The following XPO5 variants were observed in gnomAD, a reference collection of about 807,000 sequenced individuals.
The protein encoded by XPO5 is exportin-5.
XPO5 carries 46 observed loss-of-function variants against 160.6 expected under a neutral mutation model. The ratio of observed to expected loss-of-function variants is 0.29; its 90% CI spans 0.23 to 0.37. XPO5 has a LOEUF of 0.37. XPO5 is among the 10% of genes least tolerant of loss of function. The probability of loss-of-function intolerance (pLI) is 1.00; values close to 1 mark genes in which losing one functional copy is unlikely to be tolerated. For missense variants in XPO5, 1,090 were observed against 1,463.9 expected (o/e 0.74, Z 4.17); for synonymous variants, 537 against 519.3 (o/e 1.03, Z -0.46).
rs1308160371 is a variant in XPO5, at chr6:43,523,900, C to T, written c.3583G>A (p.Gly1195Arg). 4 of 1,613,876 alleles carry T rather than the reference C, an allele frequency of 2.5e-6. No individual in the cohort carries two copies. The highest frequency in any genetic ancestry group is 1.3e-5 in the African/African-American group (1 of 74,924). ...TCAAAGATGGTGGCCAGGCCACCCC[C>T]ATCATTGTCCAGCACCTCCGTCTCC... Reference protein sequence around the residue: ...MLETEVLDNDGGGLATIFEP With the variant: ...MLETEVLDNDRGGLATIFEP Residue 1195 changes from glycine (G) to arginine (R), a missense_variant, in exon 32 of 32, where the codon GGG becomes AGG. Physicochemically the swap from Gly to Arg is moderately radical, Grantham distance 125 (BLOSUM62 -2). This residue lies in a region of XPO5 where 810 missense variants were observed against 1,139.0 expected (regional missense o/e 0.71). Coordinates refer to ENST00000265351, the MANE Select transcript of XPO5 (RefSeq NM_020750.3).
intron 7 of XPO5, 114 bp from the exon 8 acceptor site, chr6:43,565,850 G>A (rs2065360821): frequency 1.3e-6 from 1 of 764,774 alleles, no homozygotes; most frequent in Non-Finnish European, 2.0e-6. Context: ...ATACCCCAGG[G>A]TTTAGTGAAA....
Position 43,530,774 on chromosome 6 carries a change from G to A in XPO5, c.2591C>T (p.Thr864Ile), listed in dbSNP as rs762818115. ...AAGCTGGGTAGCAAGGTCCTCCACA[G>A]TATAGAAGTCTTGCTGCATGGAAGG... ...AGPSMQQDFY[T>I]VEDLATQLLS... Residue 864 changes from threonine to isoleucine, a missense_variant, in exon 23 of 32, where the codon ACT becomes ATT. Thr to Ile is a moderately conservative substitution (Grantham distance 89). Coordinates refer to ENST00000265351, the MANE Select transcript of XPO5 (RefSeq NM_020750.3). The A allele has an allele frequency of 6.2e-7, 1 of 1,613,880 alleles. No individual in the cohort carries two copies. The highest frequency in any genetic ancestry group is 8.5e-7 in the Non-Finnish European group (1 of 1,179,854).
intron 24 of XPO5, 25 bp from the exon 25 acceptor site, chr6:43,528,230 TG>T (rs1296727305): frequency 1.3e-6 from 2 of 1,575,126 alleles, no homozygotes; most frequent in East Asian, 4.6e-5. Flanking sequence ...AGGAAATAAA[TG>T]CTAGAATTGG....
chr6:43,568,962 T>C (rs1762846173), intron 5 of XPO5, among the ~76,000 whole-genome samples: 1 of 152,374 alleles, frequency 6.6e-6, no homozygotes, highest in East Asian at 1.9e-4. Context: ...TGAACATGTA[T>C]GTATAGCCTA....
chr6:43,527,484 G>C, intron 26 of XPO5, 150 bp downstream of exon 26: 1 of 705,618 alleles, frequency 1.4e-6, no homozygotes, highest in East Asian at 2.8e-5. Flanking sequence ...ATGTTGGCCA[G>C]GATGGTCTTG....
In XPO5 at chr6:43,575,958, C is replaced by G; in HGVS notation, c.-94G>C. 5.5e-6 allele frequency: 7 copies of G among 1,282,998 alleles called. No individual in the cohort carries two copies. The highest frequency in any genetic ancestry group is 7.7e-6 in the Non-Finnish European group (7 of 913,752). 79.5% of individuals were successfully genotyped at this position (1,282,998 alleles called of 1,614,324 possible). ...GGCGAGACCACCCGTTGGTACCGGG[C>G]CGCGGCGGGCGGCGGGGGTGGGAAG... On this transcript the variant is annotated 5_prime_UTR_variant, in exon 1 of 32. Coordinates refer to ENST00000265351, the MANE Select transcript of XPO5 (RefSeq NM_020750.3).
intron 20 of XPO5, 136 bp downstream of exon 20, chr6:43,546,435 C>T (rs572314226): frequency 6.5e-5 from 53 of 816,728 alleles, no homozygotes; most frequent in Non-Finnish European, 8.0e-5. Flanking sequence ...ACTGAGACAC[C>T]CTCTAGAAAG....
In XPO5 at chr6:43,527,689, C is replaced by G; in HGVS notation, c.2865G>C (p.Glu955Asp). Residue 955 changes from glutamate to aspartate, a missense_variant, in exon 26 of 32, where the codon GAG (glutamate) becomes GAC (aspartate). Glu to Asp is a conservative substitution (Grantham distance 45). Transcript: ENST00000265351. ...EAADENPESQ[E>D]MLEEQLVRML... is the part of the protein sequence containing the mutation. Reference sequence around the variant, plus strand: ...TCCTCACCAGTTGCTCCTCCAGCATCTCTTGAGACTCTGGGTTTTCATCTG... The same window carrying G: ...TCCTCACCAGTTGCTCCTCCAGCATGTCTTGAGACTCTGGGTTTTCATCTG... 6.2e-7 allele frequency: 1 copy of G among 1,614,026 alleles called. No individual in the cohort carries two copies. Among genetic ancestry groups the G allele is most frequent in the Non-Finnish European group, 8.5e-7 (1 of 1,179,910 alleles).
At chr6:43,532,743 C>T (rs986233371) in intron 21 of XPO5, among the ~76,000 whole-genome samples, 3 of 152,208 alleles carry the variant, frequency 2.0e-5, no homozygotes, top group African/African-American at 7.2e-5. Context: ...GATAAACACT[C>T]AGAGCCCTGC....
At chr6:43,547,737 C>T (rs1339986485) in intron 18 of XPO5, 30 bp from the exon 19 acceptor site, 17 of 1,595,370 alleles carry the variant, frequency 1.1e-5, no homozygotes, top group African/African-American at 4.0e-5. Context: ...AAACAAGTTA[C>T]ATCATGACTT....
chr6:43,557,381 G>A (rs1408476956), intron 12 of XPO5, among the ~76,000 whole-genome samples: 1 of 151,684 alleles, frequency 6.6e-6, no homozygotes, highest in African/African-American at 2.4e-5. Context: ...AGCCGAGATT[G>A]TGCCACTGCA....
At chr6:43,566,606 C>A (rs988010778) in intron 7 of XPO5, 1 of 413,662 alleles carries the variant, frequency 2.4e-6, no homozygotes, top group Non-Finnish European at 5.0e-6. Flanking sequence ...CTCAGGAGTT[C>A]GAGAAGAGCC....
intron 21 of XPO5, 126 bp downstream of exon 21, chr6:43,533,781 G>A (rs1794147533): frequency 1.8e-6 from 1 of 564,624 alleles, no homozygotes; most frequent in South Asian, 2.0e-5. Context: ...CCTACAGTGA[G>A]CTATGGTTGC....
chr6:43,548,403 G>A lies in XPO5; in HGVS notation c.1918C>T (p.Leu640=). 1 of 1,610,582 alleles carries A rather than the reference G, an allele frequency of 6.2e-7. No individual in the cohort carries two copies. Among genetic ancestry groups the A allele is most frequent in the Non-Finnish European group, 8.5e-7 (1 of 1,177,574 alleles). Residue 640 remains leucine (L), a synonymous_variant, in exon 18 of 32, where the codon CTG becomes TTG. Transcript: ENST00000265351. The part of the protein sequence containing the change: ...VKQLLSNELL[L]TQMEKCALME... The stretch of plus-strand genomic sequence containing the variant: ...AGGGCACACTTCTCCATTTGTGTCA[G>A]GAGTAGCTCATTGGAGAGGAGTTGC...
chr6:43,526,884 A>T (rs952405862), intron 26 of XPO5, 137 bp from the exon 27 acceptor site: 1 of 810,982 alleles, frequency 1.2e-6, no homozygotes, highest in Non-Finnish European at 2.1e-6. Context: ...AAGGCACAAG[A>T]ATTAGCTTCA....
At chr6:43,551,225 C>CA (rs1228043635) in intron 15 of XPO5, 73 bp downstream of exon 15, 5 of 1,417,594 alleles carry the variant, frequency 3.5e-6, no homozygotes, top group Admixed American at 5.6e-5. Flanking sequence ...ATCCTGTCTC[C>CA]AAAAAAATAA....
intron 21 of XPO5, 36 bp from the exon 22 acceptor site, chr6:43,531,611 A>G (rs529466791): frequency 5.1e-6 from 8 of 1,566,098 alleles, no homozygotes; most frequent in Non-Finnish European, 7.0e-6. Flanking sequence ...ATGATGCTCC[A>G]CTGTCAGGAG....
intron 21 of XPO5, chr6:43,533,362 T>A (rs1011330090): frequency 1.3e-5 from 2 of 152,496 alleles, no homozygotes; most frequent in African/African-American, 4.8e-5. Context: ...CTGGCTAAAT[T>A]GAAGAAGGGG....
At chr6:43,525,020 A>G in intron 29 of XPO5, 52 bp from the exon 30 acceptor site, 1 of 1,598,608 alleles carries the variant, frequency 6.3e-7, no homozygotes. Flanking sequence ...TCAAGGCCTC[A>G]GCACCCCAGT....
Sources: allele counts gnomAD v4.1 joint callset (sites outside exome capture counted in the v4.1 genomes callset), GRCh38; gene constraint gnomAD v4.1.1; regional missense constraint gnomAD v4.1.1; transcripts MANE v1.5; gene names NCBI Gene and HGNC (gene_info 2026-07-23, HGNC 2026-07-21).